ANO4: variants seen among roughly 807,000 people sequenced by gnomAD.
ANO4 encodes the protein anoctamin 4, also known as anoctamin-4.
Under a neutral mutation model 141.9 loss-of-function variants are expected in ANO4, and 69 were observed. That is an observed-to-expected ratio of 0.49 (90% CI 0.40 to 0.59). The LOEUF is 0.59. Among genes scored for constraint, ANO4 ranks in the 20% least tolerant of loss-of-function variants. The probability of loss-of-function intolerance (pLI) is 0.00; values close to 1 mark genes in which losing one functional copy is unlikely to be tolerated. For synonymous variants in ANO4, 350 were observed against 394.3 expected, an observed-to-expected ratio of 0.89 and a Z score of 1.33; for missense variants, 894 against 1,162.2, an observed-to-expected ratio of 0.77 and a Z score of 3.36.
intron 1 of ANO4, among the ~76,000 whole-genome samples, chr12:100,822,054 G>C (rs1052008570): frequency 5.3e-5 from 8 of 151,950 alleles, no homozygotes; most frequent in Admixed American, 3.3e-4. Context: ...CTCCCATCCT[G>C]ACCACACTCA....
At chr12:101,036,241 T>C (rs1270447894) in intron 9 of ANO4, among the ~76,000 whole-genome samples, 1 of 152,146 alleles carries the variant, frequency 6.6e-6, no homozygotes, top group Non-Finnish European at 1.5e-5. Context: ...ACTTGTGCGC[T>C]GTTAGTAGGA....
intron 1 of ANO4, among the ~76,000 whole-genome samples, chr12:100,843,341 A>T (rs938796925): frequency 6.6e-6 from 1 of 152,204 alleles, no homozygotes; most frequent in Admixed American, 6.5e-5. Context: ...CTAAACAAGT[A>T]TCTGGACTGT....
At chr12:100,905,140 G>A (rs1036811050) in intron 2 of ANO4, among the ~76,000 whole-genome samples, 12 of 152,318 alleles carry the variant, frequency 7.9e-5, no homozygotes, top group Admixed American at 5.9e-4. Context: ...AATATTGAGA[G>A]CTGGCAAGAT....
chr12:100,833,895 C>G (rs1051306501), intron 1 of ANO4, among the ~76,000 whole-genome samples: 1 of 152,116 alleles, frequency 6.6e-6, no homozygotes, highest in African/African-American at 2.4e-5. Flanking sequence ...GTATTTGTCC[C>G]TTAATAAATA....
intron 6 of ANO4, among the ~76,000 whole-genome samples, chr12:100,972,529 G>A (rs866356055): frequency 5.3e-5 from 8 of 151,834 alleles, no homozygotes; most frequent in Admixed American, 2.0e-4. Context: ...ATTTATTTTT[G>A]TATTTAACTG....
At chr12:101,008,333 T>G (rs1003158722) in intron 8 of ANO4, among the ~76,000 whole-genome samples, 6 of 152,218 alleles carry the variant, frequency 3.9e-5, no homozygotes, top group Admixed American at 3.3e-4. Context: ...CTCTTTTACC[T>G]GTTTATTTTG....
intron 5 of ANO4, among the ~76,000 whole-genome samples, chr12:100,947,303 A>G (rs984800682): frequency 1.3e-5 from 2 of 150,934 alleles, no homozygotes; most frequent in African/African-American, 4.9e-5. Flanking sequence ...CCTTGAAGCA[A>G]TAAGAAAAGA....
intron 5 of ANO4, among the ~76,000 whole-genome samples, chr12:100,968,432 G>A (rs1159814971): frequency 1.3e-5 from 2 of 152,090 alleles, no homozygotes; most frequent in South Asian, 4.2e-4. Flanking sequence ...GCTATATTCT[G>A]CTCTAAATCA....
At chr12:100,730,505 G>A (rs994139152) in intron 1 of ANO4, among the ~76,000 whole-genome samples, 8 of 152,170 alleles carry the variant, frequency 5.3e-5, no homozygotes, top group Non-Finnish European at 1.2e-4. Context: ...TTAATAGGAA[G>A]GAGAATTAAT....
At chr12:100,966,013 G>A (rs2043637404) in intron 5 of ANO4, among the ~76,000 whole-genome samples, 1 of 152,056 alleles carries the variant, frequency 6.6e-6, no homozygotes, top group South Asian at 2.1e-4. Context: ...GAATGTCACA[G>A]ACGAACCTGC....
chr12:100,942,390 G>T lies in ANO4; in HGVS notation c.311G>T (p.Arg104Ile). Residue 104 changes from arginine (R) to isoleucine (I), a missense_variant, in exon 5 of 28, where the codon AGA (arginine) becomes ATA (isoleucine). Coordinates refer to ENST00000392977, the MANE Select transcript of ANO4 (RefSeq NM_001286615.2). Reference sequence around the variant, plus strand: ...CTTTGTGTGCAGACAGTGCCAGAAAGAAACAAATCAAATGGACTTTACTTT... The same window carrying T: ...CTTTGTGTGCAGACAGTGCCAGAAATAAACAAATCAAATGGACTTTACTTT... ...LEAGGETVPE[R>I]NKSNGLYFRD... 6.2e-7 allele frequency: 1 copy of T among 1,613,742 alleles called. No individual in the cohort carries two copies. The highest frequency in any genetic ancestry group is 1.1e-5 in the South Asian group (1 of 90,994).
intron 1 of ANO4, among the ~76,000 whole-genome samples, chr12:100,889,989 A>G (rs918035843): frequency 9.2e-5 from 14 of 152,252 alleles, no homozygotes; most frequent in Middle Eastern, 3.4e-3. Context: ...GGACCATAAT[A>G]TATTTAACTA....
At chr12:101,086,125 T>TGTGTGTGTGTG (rs1566228195) in intron 16 of ANO4, among the ~76,000 whole-genome samples, 15 of 134,826 alleles carry the variant, frequency 1.1e-4, no homozygotes, top group Non-Finnish European at 1.9e-4. Context: ...TGTGTGTGTG[T>TGTGTGTGTGTG]TCGGCAAGAG....
chr12:100,752,083 T>C (rs1240964269), intron 3 of ANO4, among the ~76,000 whole-genome samples: 1 of 152,192 alleles, frequency 6.6e-6, no homozygotes. Flanking sequence ...TGAGATAAAA[T>C]AGGCAAAGTG....
At chr12:100,796,414 G>GA (rs1235254337) in intron 1 of ANO4, among the ~76,000 whole-genome samples, 2 of 152,036 alleles carry the variant, frequency 1.3e-5, no homozygotes, top group Non-Finnish European at 2.9e-5. Flanking sequence ...GATTTTTCTT[G>GA]AAATAGTGGT....
At chr12:100,992,094 C>T (rs1414102054) in intron 8 of ANO4, among the ~76,000 whole-genome samples, 2 of 152,220 alleles carry the variant, frequency 1.3e-5, no homozygotes, top group African/African-American at 4.8e-5. Flanking sequence ...CAGACTTTGT[C>T]ACTGTATTTC....
chr12:100,821,331 T>A (rs1355113681), intron 1 of ANO4, among the ~76,000 whole-genome samples: 14 of 152,096 alleles, frequency 9.2e-5, no homozygotes, highest in Non-Finnish European at 1.6e-4. Context: ...CTTGCCTTTC[T>A]CTTAGTGCTA....
chr12:100,721,582 G>A (rs987687124), intron 1 of ANO4, among the ~76,000 whole-genome samples: 3 of 152,168 alleles, frequency 2.0e-5, no homozygotes, highest in Non-Finnish European at 4.4e-5. Context: ...GCTAGAGGTT[G>A]AAAGGGGCCA....
At chr12:100,998,865 T>G (rs1048851192) in intron 8 of ANO4, among the ~76,000 whole-genome samples, 2 of 152,230 alleles carry the variant, frequency 1.3e-5, no homozygotes, top group African/African-American at 2.4e-5. Context: ...AGGAATATGA[T>G]AGCTAACATT....
Sources: gnomAD v4.1 joint callset for allele counts (sites outside exome capture counted in the v4.1 genomes callset) on GRCh38, gnomAD v4.1.1 for gene constraint, MANE v1.5 for transcripts, NCBI Gene and HGNC (gene_info 2026-07-23, HGNC 2026-07-21) for gene names.